CHL1: variants seen among roughly 807,000 people sequenced by gnomAD.
CHL1 encodes the protein cell adhesion molecule L1 like, also known as neural cell adhesion molecule L1-like protein.
Under a neutral mutation model 141.9 loss-of-function variants are expected in CHL1, and 96 were observed. The ratio of observed to expected loss-of-function variants is 0.68; its 90% CI spans 0.57 to 0.80. The LOEUF is 0.80. CHL1 is among the 30% of genes least tolerant of loss of function. The probability of loss-of-function intolerance (pLI) is 0.00; values close to 1 mark genes in which losing one functional copy is unlikely to be tolerated. For synonymous variants in CHL1, 613 were observed against 502.2 expected (o/e 1.22, Z -2.95); for missense variants, 1,820 against 1,457.2 (o/e 1.25, Z -4.05).
chr3:317,243 T>C (rs1435029737), intron 2 of CHL1, among the ~76,000 whole-genome samples: 1 of 151,982 alleles, frequency 6.6e-6, no homozygotes. Context: ...AGACCATGCA[T>C]TTAAAACGAT....
chr3:198,340 C>T (rs1287218718), intron 1 of CHL1, among the ~76,000 whole-genome samples: 2 of 151,828 alleles, frequency 1.3e-5, no homozygotes, highest in Admixed American at 1.3e-4. Context: ...CTGCCAGGCG[C>T]GTGCGCGAGG....
chr3:241,556 G>A (rs73090653), intron 1 of CHL1, among the ~76,000 whole-genome samples: 214 of 149,760 alleles, frequency 1.4e-3, no homozygotes, highest in African/African-American at 5.0e-3. Flanking sequence ...AGCAAGTGCT[G>A]TTTCTCCTTC....
chr3:343,489 C>T, intron 8 of CHL1, among the ~76,000 whole-genome samples: 1 of 151,970 alleles, frequency 6.6e-6, no homozygotes, highest in East Asian at 1.9e-4. Context: ...GAGAAAAAAA[C>T]AGTTTGTAGC....
chr3:315,455 A>C (rs1700089072), intron 2 of CHL1, among the ~76,000 whole-genome samples: 1 of 152,136 alleles, frequency 6.6e-6, no homozygotes, highest in Non-Finnish European at 1.5e-5. Flanking sequence ...CCATTTCTCA[A>C]GGAATAATAT....
intron 1 of CHL1, among the ~76,000 whole-genome samples, chr3:208,569 G>A (rs1699639069): frequency 6.6e-6 from 1 of 152,108 alleles, no homozygotes; most frequent in African/African-American, 2.4e-5. Flanking sequence ...CTTGGTTCTA[G>A]GCCTTTATTC....
intron 1 of CHL1, among the ~76,000 whole-genome samples, chr3:229,394 T>G (rs549232089): frequency 1.3e-5 from 2 of 152,156 alleles, no homozygotes; most frequent in Admixed American, 6.6e-5. Flanking sequence ...ACAAATCTTT[T>G]GCTAAAATAC....
intron 24 of CHL1, among the ~76,000 whole-genome samples, chr3:397,089 AG>A (rs1260785749): frequency 6.6e-6 from 1 of 152,148 alleles, no homozygotes; most frequent in African/African-American, 2.4e-5. Context: ...ATAATCTAAG[AG>A]GGGAAAAGAT....
Position 279,626 on chromosome 3 carries a change from A to G in CHL1, c.-95+34934A>G, listed in dbSNP as rs116816194. 1.0e-2 allele frequency among the ~76,000 whole-genome samples: 1,521 copies of G among 152,286 alleles called. 22 individuals are homozygous for G. The highest frequency in any genetic ancestry group is 0.035 in the African/African-American group (1,463 of 41,568). On this transcript the variant is annotated intron_variant, in intron 2 of 27. Transcript: ENST00000256509. ...TCACTGAATCTCCTTTGAAAGTATA[A>G]ACATTAGTCCTTGTTCTATGGTTTT...
intron 26 of CHL1, 83 bp from the exon 27 acceptor site, chr3:401,543 A>T (rs1709137148): frequency 1.3e-6 from 1 of 768,346 alleles, no homozygotes; most frequent in East Asian, 2.6e-5. Context: ...GTTCTTACTG[A>T]CTATTAACTA....
At chr3:378,062 A>T (rs1244282245) in intron 16 of CHL1, 120 bp downstream of exon 16, 1 of 855,910 alleles carries the variant, frequency 1.2e-6, no homozygotes, top group African/African-American at 1.8e-5. Flanking sequence ...TTAGTTTCAA[A>T]TTTTTGTTTA....
chr3:360,166 T>G, intron 11 of CHL1, 118 bp from the exon 12 acceptor site: 1 of 1,088,092 alleles, frequency 9.2e-7, no homozygotes, highest in Non-Finnish European at 1.3e-6. Flanking sequence ...TTCAATGAAC[T>G]ATTAGTCACC....
At chr3:295,707 A>G (rs914949123) in intron 2 of CHL1, among the ~76,000 whole-genome samples, 2 of 152,186 alleles carry the variant, frequency 1.3e-5, no homozygotes, top group African/African-American at 4.8e-5. Context: ...CCTAATGACA[A>G]TTAAACACAA....
At chr3:342,792 C>A (rs1012412437) in intron 7 of CHL1, among the ~76,000 whole-genome samples, 192 bp from the exon 8 acceptor site, 3 of 152,112 alleles carry the variant, frequency 2.0e-5, no homozygotes, top group African/African-American at 7.2e-5. Context: ...ATCTTCTCCA[C>A]CTGGATTCAA....
chr3:263,242 C>T (rs1374139172), intron 2 of CHL1, among the ~76,000 whole-genome samples: 1 of 152,112 alleles, frequency 6.6e-6, no homozygotes, highest in Non-Finnish European at 1.5e-5. Context: ...CAAGTGAACT[C>T]CTTGCCAGTT....
chr3:306,159 T>G (rs1394381809), intron 2 of CHL1, among the ~76,000 whole-genome samples: 2 of 152,162 alleles, frequency 1.3e-5, no homozygotes, highest in African/African-American at 2.4e-5. Flanking sequence ...GATTTGGCAT[T>G]AATTCTTCTC....
At chr3:325,908 CTTG>C (rs1405400443) in intron 3 of CHL1, 48 bp from the exon 4 acceptor site, 1 of 1,260,208 alleles carries the variant, frequency 7.9e-7, no homozygotes, top group African/African-American at 1.5e-5. Flanking sequence ...ATAGATTAAC[CTTG>C]CCTGCTGTTT....
At chr3:312,936 C>T (rs1248923445) in intron 2 of CHL1, among the ~76,000 whole-genome samples, 9 of 152,196 alleles carry the variant, frequency 5.9e-5, no homozygotes, top group South Asian at 2.1e-4. Flanking sequence ...TGATCTATTT[C>T]AAGCATCCTG....
At chr3:220,316 C>T (rs1700719052) in intron 1 of CHL1, among the ~76,000 whole-genome samples, 1 of 152,100 alleles carries the variant, frequency 6.6e-6, no homozygotes, top group Non-Finnish European at 1.5e-5. Context: ...TTAAACATTA[C>T]AGTGAAGTCA....
At chr3:199,262 A>G (rs1698705670) in intron 1 of CHL1, among the ~76,000 whole-genome samples, 1 of 152,210 alleles carries the variant, frequency 6.6e-6, no homozygotes, top group Admixed American at 6.5e-5. Context: ...AATAGTTATT[A>G]CTGGATGGGT....
Sources: gnomAD v4.1 joint callset for allele counts (sites outside exome capture counted in the v4.1 genomes callset) on GRCh38, gnomAD v4.1.1 for gene constraint, MANE v1.5 for transcripts, NCBI Gene and HGNC (gene_info 2026-07-23, HGNC 2026-07-21) for gene names.